The following PVT1 variants were observed in gnomAD, a reference collection of about 807,000 sequenced individuals.
PVT1 encodes the protein Pvt1 oncogene, also known as CXCR4/PVT1 fusion.
chr8:128,060,305 G>A (rs971865777), intron 4 of PVT1, among the ~76,000 whole-genome samples: 3 of 152,084 alleles, frequency 2.0e-5, no homozygotes, highest in African/African-American at 4.8e-5. Flanking sequence ...TCTTGGTCTC[G>A]CTCTCATGAT....
At chr8:127,812,291 A>AGGAAGGCAGGAAG (rs1814606919) in intron 2 of PVT1, among the ~76,000 whole-genome samples, 1 of 121,932 alleles carries the variant, frequency 8.2e-6, no homozygotes. Context: ...AGGAAGGAAG[A>AGGAAGGCAGGAAG]GAATGAAAGG....
chr8:127,928,823 C>T (rs988445729), intron 3 of PVT1, among the ~76,000 whole-genome samples: 2 of 152,238 alleles, frequency 1.3e-5, no homozygotes, highest in Non-Finnish European at 2.9e-5. Flanking sequence ...CCAAATACAG[C>T]AGGGCTGGGT....
chr8:127,884,595 G>T (rs756012528), intron 2 of PVT1, among the ~76,000 whole-genome samples: 17 of 152,230 alleles, frequency 1.1e-4, no homozygotes, highest in Non-Finnish European at 1.0e-4. Flanking sequence ...CTGTTCACCA[G>T]CACGTATGAA....
intron 3 of PVT1, among the ~76,000 whole-genome samples, chr8:127,930,038 C>T (rs534761353): frequency 1.1e-4 from 17 of 152,212 alleles, no homozygotes; most frequent in Non-Finnish European, 2.1e-4. Flanking sequence ...TTCAGGTCCA[C>T]TACTCCCTCT....
chr8:128,032,445 T>C (rs1006160711), intron 4 of PVT1, among the ~76,000 whole-genome samples: 5 of 152,238 alleles, frequency 3.3e-5, no homozygotes, highest in Admixed American at 2.0e-4. Flanking sequence ...TCTTATGAGA[T>C]GGTGGATCAC....
intron 6 of PVT1, among the ~76,000 whole-genome samples, chr8:128,100,163 T>C (rs71510376): frequency 0.012 from 1,375 of 114,856 alleles, 29 homozygotes; most frequent in East Asian, 0.1. Context: ...TCCTTCCTTC[T>C]TTCCTCCCTC....
intron 4 of PVT1, among the ~76,000 whole-genome samples, chr8:127,992,156 T>G (rs1164468815): frequency 2.1e-4 from 32 of 150,960 alleles, no homozygotes; most frequent in Admixed American, 1.9e-3. Flanking sequence ...GAGGCTGAGG[T>G]GGGCTAATCA....
intron 2 of PVT1, among the ~76,000 whole-genome samples, chr8:127,843,503 C>T (rs140217527): frequency 0.044 from 6,609 of 151,760 alleles, 509 homozygotes; most frequent in African/African-American, 0.15. Context: ...AGTGCAGTGG[C>T]GCGGTCTCGG....
At chr8:128,071,881 C>T (rs974463711) in intron 5 of PVT1, among the ~76,000 whole-genome samples, 3 of 152,018 alleles carry the variant, frequency 2.0e-5, no homozygotes, top group African/African-American at 7.2e-5. Flanking sequence ...CCTACAGAAT[C>T]CTGATTCTGA....
intron 3 of PVT1, among the ~76,000 whole-genome samples, chr8:127,917,808 T>A (rs1164880271): frequency 1.3e-5 from 2 of 152,200 alleles, no homozygotes; most frequent in Non-Finnish European, 2.9e-5. Context: ...CTCCTCTCTG[T>A]CCGGTTAGTC....
chr8:128,071,068 A>G (rs1207881142), intron 5 of PVT1, among the ~76,000 whole-genome samples: 1 of 152,146 alleles, frequency 6.6e-6, no homozygotes, highest in Admixed American at 6.5e-5. Flanking sequence ...ATACATGTCC[A>G]TTGCTTTGGG....
intron 3 of PVT1, among the ~76,000 whole-genome samples, chr8:127,959,824 C>T (rs1400130026): frequency 6.6e-6 from 1 of 152,068 alleles, no homozygotes; most frequent in African/African-American, 2.4e-5. Flanking sequence ...GTCAGGAGCC[C>T]CTGGGTGGCT....
chr8:128,085,775 A>G (rs1814248604), intron 5 of PVT1, among the ~76,000 whole-genome samples: 1 of 152,264 alleles, frequency 6.6e-6, no homozygotes, highest in South Asian at 2.1e-4. Context: ...TGAAATTTGA[A>G]AAGATGTATG....
At chr8:128,004,693 C>T (rs568780348) in intron 4 of PVT1, among the ~76,000 whole-genome samples, 38 of 152,304 alleles carry the variant, frequency 2.5e-4, no homozygotes, top group Admixed American at 1.8e-3. Flanking sequence ...AGTAGCCTTT[C>T]GAATACCAAT....
chr8:128,064,575 G>A (rs897392519), intron 4 of PVT1, among the ~76,000 whole-genome samples: 3 of 152,160 alleles, frequency 2.0e-5, no homozygotes, highest in Admixed American at 6.5e-5. Context: ...TAATTCAGTG[G>A]TTCTAGGGTG....
chr8:127,899,303 G>C lies in PVT1; in HGVS notation n.782+8305G>C, dbSNP rs145677234. 1.8e-4 allele frequency among the ~76,000 whole-genome samples: 27 copies of C among 152,330 alleles called. No homozygotes were observed. The East Asian group carries it at 5.0e-3, about 28-fold the overall frequency. On this transcript the variant is annotated intron_variant and non_coding_transcript_variant, in intron 3 of 10. Coordinates refer to ENST00000651587, the Ensembl canonical transcript of PVT1. The stretch of plus-strand genomic sequence containing the variant: ...GGGAAGCCTGTTATTGTGAAAGTGA[G>C]ATGATCTGGGAGGTAAAACTGGCCA...
intron 3 of PVT1, among the ~76,000 whole-genome samples, chr8:127,956,718 C>T (rs1189554600): frequency 2.6e-5 from 4 of 152,172 alleles, no homozygotes; most frequent in East Asian, 1.9e-4. Flanking sequence ...CTCTTGACCT[C>T]GTGATCCGCC....
intron 3 of PVT1, among the ~76,000 whole-genome samples, chr8:127,913,326 C>G (rs149347568): frequency 1.6e-4 from 24 of 152,320 alleles, no homozygotes; most frequent in African/African-American, 5.8e-4. Context: ...CATATCTGCT[C>G]CCTGGCACTT....
Position 128,043,352 on chromosome 8 carries a change from G to A in PVT1, n.913-26808G>A, listed in dbSNP as rs1160676667. 2.0e-5 allele frequency among the ~76,000 whole-genome samples: 3 copies of A among 152,274 alleles called. No homozygotes were observed. In the East Asian group the frequency reaches 5.8e-4, roughly 29 times the overall value. On this transcript the variant is annotated intron_variant and non_coding_transcript_variant, in intron 4 of 10. Coordinates refer to ENST00000651587, the Ensembl canonical transcript of PVT1. ...CAGCATTCCTGAATTGCTCTCCATG[G>A]CTTCTCACAGGCTGGGGGTCAGGAG...
Sources: allele counts gnomAD v4.1 joint callset (sites outside exome capture counted in the v4.1 genomes callset), GRCh38; gene constraint gnomAD v4.1.1; transcripts MANE v1.5; gene names NCBI Gene and HGNC (gene_info 2026-07-23, HGNC 2026-07-21).